Variants in LRP5 observed in about 807,000 individuals in gnomAD.
LRP5 encodes low-density lipoprotein receptor-related protein 5.
A neutral mutation model predicts 154.1 loss-of-function variants in LRP5; 62 were observed. The ratio of observed to expected loss-of-function variants is 0.40; its 90% CI spans 0.33 to 0.50. The LOEUF is 0.50. LRP5 is among the 20% of genes least tolerant of loss of function. The pLI, the probability that LRP5 is intolerant of heterozygous loss-of-function variation, is 0.55. For missense variants in LRP5, 1,915 were observed against 2,336.7 expected, an observed-to-expected ratio of 0.82 and a Z score of 3.72; for synonymous variants, 966 against 1,011.5, an observed-to-expected ratio of 0.96 and a Z score of 0.85.
chr11:68,378,037 G>C (rs1203397568), intron 5 of LRP5, among the ~76,000 whole-genome samples: 1 of 152,226 alleles, frequency 6.6e-6, no homozygotes, highest in Non-Finnish European at 1.5e-5. Context: ...ACTTGGTTCG[G>C]TGCAGGGAGG....
At chr11:68,357,525 G>T in intron 2 of LRP5, 125 bp from the exon 3 acceptor site, 1 of 875,842 alleles carries the variant, frequency 1.1e-6, no homozygotes. Flanking sequence ...ATACCTGTTG[G>T]TTATTTCCGA....
intron 13 of LRP5, among the ~76,000 whole-genome samples, chr11:68,419,085 C>T (rs1287503776): frequency 6.6e-6 from 1 of 152,166 alleles, no homozygotes. Context: ...TGGACTCTGG[C>T]TTTGATTCTT....
At chr11:68,389,370 A>G (rs1172700504) in intron 6 of LRP5, among the ~76,000 whole-genome samples, 1 of 152,116 alleles carries the variant, frequency 6.6e-6, no homozygotes, top group Non-Finnish European at 1.5e-5. Context: ...CGACACTAGC[A>G]TCTACTGACA....
chr11:68,383,288 G>A (rs777755242), intron 5 of LRP5, among the ~76,000 whole-genome samples: 14 of 152,326 alleles, frequency 9.2e-5, no homozygotes, highest in Middle Eastern at 3.4e-3. Context: ...TCTCTGTGGG[G>A]CCATGATGGA....
At chr11:68,414,131 G>A in intron 12 of LRP5, 119 bp downstream of exon 12, 1 of 969,804 alleles carries the variant, frequency 1.0e-6, no homozygotes, top group Non-Finnish European at 1.6e-6. Flanking sequence ...TGGTTGGGTA[G>A]GTTGTGCACT....
At chr11:68,319,072 G>GTTTT (rs59893808) in intron 1 of LRP5, among the ~76,000 whole-genome samples, 4 of 92,242 alleles carry the variant, frequency 4.3e-5, no homozygotes, top group Non-Finnish European at 4.3e-5. Context: ...CTGGCTCCTT[G>GTTTT]TTTTTTTTTT....
chr11:68,428,958 A>G (rs374303143), intron 16 of LRP5, among the ~76,000 whole-genome samples: 1 of 53,504 alleles, frequency 1.9e-5, no homozygotes, highest in African/African-American at 7.2e-5. Flanking sequence ...TTAGCCAGGC[A>G]CAGTGGCAGG....
intron 1 of LRP5, among the ~76,000 whole-genome samples, chr11:68,324,114 C>T (rs186138684): frequency 4.6e-5 from 7 of 152,344 alleles, no homozygotes; most frequent in Non-Finnish European, 8.8e-5. Context: ...CCTCTTAGAG[C>T]ATGGAGTTCT....
intron 1 of LRP5, among the ~76,000 whole-genome samples, chr11:68,328,155 C>T (rs2098600732): frequency 6.6e-6 from 1 of 152,212 alleles, no homozygotes; most frequent in African/African-American, 2.4e-5. Flanking sequence ...TACAGTGTCG[C>T]GGAGCCCGAG....
intron 5 of LRP5, among the ~76,000 whole-genome samples, chr11:68,382,133 A>G (rs2098640568): frequency 6.6e-6 from 1 of 152,228 alleles, no homozygotes; most frequent in Non-Finnish European, 1.5e-5. Flanking sequence ...GGTGTCAGAG[A>G]CACCTCCTTC....
intron 1 of LRP5, among the ~76,000 whole-genome samples, chr11:68,338,767 T>C (rs2153124338): frequency 6.6e-6 from 1 of 152,142 alleles, no homozygotes; most frequent in Middle Eastern, 3.4e-3. Context: ...GAAGCCAGCC[T>C]GCCCAGTGTG....
At chr11:68,434,024 G>C (rs571793094) in intron 18 of LRP5, among the ~76,000 whole-genome samples, 186 bp downstream of exon 18, 2 of 152,316 alleles carry the variant, frequency 1.3e-5, no homozygotes, top group East Asian at 3.9e-4. Context: ...TGTCCCACCA[G>C]GTAGTGTGGC....
At chr11:68,358,676 G>A (rs543348105) in intron 3 of LRP5, among the ~76,000 whole-genome samples, 4 of 152,342 alleles carry the variant, frequency 2.6e-5, no homozygotes, top group East Asian at 3.9e-4. Flanking sequence ...AAAATGGGCC[G>A]AGAATGAGTA....
intron 2 of LRP5, among the ~76,000 whole-genome samples, chr11:68,354,669 C>A (rs995290322): frequency 2.6e-5 from 4 of 152,210 alleles, no homozygotes; most frequent in African/African-American, 9.6e-5. Flanking sequence ...GCTTTGCTGG[C>A]GAAGGGTGAG....
intron 21 of LRP5, 74 bp downstream of exon 21, chr11:68,439,990 G>T: frequency 7.2e-7 from 1 of 1,388,982 alleles, no homozygotes; most frequent in Non-Finnish European, 9.5e-7. Context: ...GCTGGCCACC[G>T]GAGGCTTCCC....
rs374077278 is a variant in LRP5, at chr11:68,423,645, C to T, written c.3184C>T (p.Leu1062=). 6.2e-7 allele frequency: 1 copy of T among 1,614,048 alleles called. No individual in the cohort carries two copies. Residue 1062 remains leucine (L), a synonymous_variant, in exon 14 of 23, where the codon CTG becomes TTG. Coordinates refer to ENST00000294304, the MANE Select transcript of LRP5 (RefSeq NM_002335.4). The surrounding 1 kb of genome is among the most constrained non-coding windows in gnomAD (Gnocchi z 4.7). ...GAGCGGGGAAGCCATGGGGGTGGTG[C>T]TGCGTGGGGACCGCGACAAGCCCAG... ...RLSGEAMGVV[L]RGDRDKPRAI... is the part of the protein sequence containing the mutation.
intron 21 of LRP5, among the ~76,000 whole-genome samples, chr11:68,444,593 C>T (rs992654049): frequency 8.5e-5 from 10 of 117,144 alleles, no homozygotes; most frequent in African/African-American, 2.6e-4. Context: ...CACCCTGGGC[C>T]GAGATCCAGT....
intron 5 of LRP5, among the ~76,000 whole-genome samples, chr11:68,373,169 G>A (rs1015889034): frequency 1.2e-4 from 18 of 152,166 alleles, no homozygotes; most frequent in African/African-American, 2.9e-4. Flanking sequence ...GTGTCTGACC[G>A]TTTATCTTTC....
intron 16 of LRP5, among the ~76,000 whole-genome samples, chr11:68,427,528 A>T (rs1287665167): frequency 6.6e-6 from 1 of 152,160 alleles, no homozygotes; most frequent in African/African-American, 2.4e-5. Flanking sequence ...AAAAATACAA[A>T]AATTAGCTGG....
Sources: gnomAD v4.1 joint callset for allele counts (sites outside exome capture counted in the v4.1 genomes callset) on GRCh38, gnomAD v4.1.1 for gene constraint, Gnocchi (gnomAD v3.1) non-coding constraint, MANE v1.5 for transcripts, NCBI Gene and HGNC (gene_info 2026-07-23, HGNC 2026-07-21) for gene names.